Variants in ACACA observed in about 807,000 individuals in gnomAD.
ACACA encodes acetyl-CoA carboxylase alpha, also known as acetyl-CoA carboxylase 1.
ACACA carries 103 observed loss-of-function variants against 296.1 expected under a neutral mutation model. The ratio of observed to expected loss-of-function variants is 0.35; its 90% confidence interval spans 0.30 to 0.41. ACACA has a LOEUF of 0.41. Among genes scored for constraint, ACACA ranks in the 10% least tolerant of loss-of-function variants. The pLI is 1.00. For missense variants in ACACA, 1,554 were observed against 2,989.7 expected (o/e 0.52, Z 11.20); for synonymous variants, 953 against 1,038.6 (o/e 0.92, Z 1.58).
Position 37,206,847 on chromosome 17 carries a change from T to C in ACACA, c.3884A>G (p.Asp1295Gly). ...GAATGTGGGACTCTGGGGTGGGGAG[T>C]CAGAGAAGCAGCCCATCACTTCATC... is the stretch of plus-strand genomic sequence containing the variant. ...IFDEVMGCFS[D>G]SPPQSPTFPE... The change falls in exon 32 of 56, where the codon GAC (aspartate) becomes GGC (glycine). Residue 1295 changes from aspartate to glycine, a missense_variant. Physicochemically the swap from Asp to Gly is moderately conservative, Grantham distance 94. Transcript: ENST00000616317. 1 of 1,613,354 alleles carries C rather than the reference T, an allele frequency of 6.2e-7. No individual in the cohort carries two copies. Among genetic ancestry groups the C allele is most frequent in the African/African-American group, 1.3e-5 (1 of 74,826 alleles).
intron 41 of ACACA, among the ~76,000 whole-genome samples, chr17:37,172,636 T>G (rs1240307510): frequency 2.0e-5 from 3 of 152,182 alleles, no homozygotes; most frequent in Non-Finnish European, 4.4e-5. Context: ...TTCTCTATAC[T>G]TAATCTCAAG....
At chr17:37,357,506 A>AAAC (rs948390318) in intron 1 of ACACA, among the ~76,000 whole-genome samples, 1 of 152,130 alleles carries the variant, frequency 6.6e-6, no homozygotes, top group African/African-American at 2.4e-5. Flanking sequence ...CAAACAAACA[A>AAAC]AACAACAACA....
At position 37,263,912 on chromosome 17, in the gene ACACA, G is replaced by GAA. The variant is rs111738937; in HGVS notation, c.1120-20_1120-19dup. ...GCTTGAACCTGTATTAGAAAAGGGG[G>GAA]AAAAAAAAAACCAATTCTTAAATTT... On this transcript the variant is annotated intron_variant, in intron 10 of 55. Transcript: ENST00000616317. 26 of 1,444,534 alleles carry GAA rather than the reference G, an allele frequency of 1.8e-5. No individual in the cohort carries two copies. The highest frequency in any genetic ancestry group is 1.3e-4 in the African/African-American group (9 of 69,520). 89.5% of individuals were successfully genotyped at this position (1,444,534 alleles called of 1,614,324 possible). A position where few individuals can be genotyped will look rare whatever the true frequency, so the allele number is the denominator to read the frequency against.
intron 36 of ACACA, 144 bp downstream of exon 36, chr17:37,193,230 A>G: frequency 1.5e-6 from 1 of 666,120 alleles, no homozygotes; most frequent in Admixed American, 2.7e-5. Flanking sequence ...CTTTAGTTCT[A>G]AGACACATGT....
Position 37,276,921 on chromosome 17 carries a change from A to G in ACACA, c.802+112T>C, listed in dbSNP as rs75096999. On this transcript the variant is annotated intron_variant, in intron 7 of 55. Transcript: ENST00000616317. Reference sequence around the variant, plus strand: ...TTAGTAATAGATTGAGGGAAAAAAAAAGAGAGAGAGAGCCCAGCACATGTT... The same window carrying G: ...TTAGTAATAGATTGAGGGAAAAAAAGAGAGAGAGAGAGCCCAGCACATGTT... 431 of 925,356 alleles carry G rather than the reference A, an allele frequency of 4.7e-4. 3 individuals carry two copies. In the African/African-American group the frequency reaches 5.9e-3, roughly 13 times the overall value. The allele number at this position is 925,356 out of a possible 1,614,324, so 57.3% of individuals were successfully genotyped here.
chr17:37,258,166 T>C (rs745354632), intron 13 of ACACA, 46 bp downstream of exon 13: 1 of 1,592,846 alleles, frequency 6.3e-7, no homozygotes, highest in African/African-American at 1.3e-5. Flanking sequence ...ATCTTAACAT[T>C]AAAGTTCATT....
In ACACA at chr17:37,129,459, C is replaced by G. The variant is rs749607819; in HGVS notation, c.5850G>C (p.Leu1950=). The G allele has an allele frequency of 3.7e-6, 6 of 1,614,044 alleles. No homozygotes were observed. In the South Asian group the frequency reaches 5.5e-5, roughly 15 times the overall value. Residue 1950 remains leucine, a synonymous_variant, in exon 47 of 56, where the codon CTG becomes CTC. Coordinates refer to ENST00000616317, the MANE Select transcript of ACACA (RefSeq NM_198834.3). The part of the protein sequence containing the change: ...PKSVHSSVPL[L]NSKDPIDRII... Reference sequence around the variant, plus strand: ...TTCTGTCTATAGGATCCTTTGAGTTCAGAAGAGGAACTGAACTGTGCACGC... The same window carrying G: ...TTCTGTCTATAGGATCCTTTGAGTTGAGAAGAGGAACTGAACTGTGCACGC...
chr17:37,097,352 G>A lies in ACACA; in HGVS notation c.6721-186C>T, dbSNP rs1320785075. 6.6e-6 allele frequency among the ~76,000 whole-genome samples: 1 copy of A among 152,180 alleles called. No homozygotes were observed. Among genetic ancestry groups the A allele is most frequent in the Non-Finnish European group, 1.5e-5 (1 of 68,040 alleles). Reference sequence around the variant, plus strand: ...AGAAATGCAGCCCACATGCCCTGCTGTCTGCAGCACTGTGCACAGCCATGG... The same window carrying A: ...AGAAATGCAGCCCACATGCCCTGCTATCTGCAGCACTGTGCACAGCCATGG... On this transcript the variant is annotated intron_variant, in intron 53 of 55. Coordinates refer to ENST00000616317, the MANE Select transcript of ACACA (RefSeq NM_198834.3). The surrounding 1 kb of genome is among the most constrained non-coding windows in gnomAD (Gnocchi z 4.8).
chr17:37,364,606 G>GAAAAAGAA (rs1385341598), intron 1 of ACACA, among the ~76,000 whole-genome samples: 5 of 111,638 alleles, frequency 4.5e-5, no homozygotes, highest in African/African-American at 2.2e-4. Context: ...AAAAAAAAAA[G>GAAAAAGAA]AAAAAGAAAA....
At chr17:37,125,935 AT>A in intron 47 of ACACA, 141 bp from the exon 48 acceptor site, 1 of 726,090 alleles carries the variant, frequency 1.4e-6, no homozygotes, top group Non-Finnish European at 2.5e-6. Flanking sequence ...AGATGGAAGC[AT>A]TAGGCAGCTG....
chr17:37,366,067 C>T (rs1479282577), intron 1 of ACACA, among the ~76,000 whole-genome samples: 3 of 152,164 alleles, frequency 2.0e-5, no homozygotes, highest in African/African-American at 7.2e-5. Context: ...TTGGATTTTG[C>T]CCAGTCGTAG....
intron 1 of ACACA, among the ~76,000 whole-genome samples, chr17:37,362,435 TA>T (rs2147616311): frequency 6.6e-6 from 1 of 152,284 alleles, no homozygotes; most frequent in Admixed American, 6.5e-5. Flanking sequence ...ATAGTCTATT[TA>T]AGAAGACAAA....
At chr17:37,368,221 G>A (rs1250832589) in intron 1 of ACACA, among the ~76,000 whole-genome samples, 2 of 152,066 alleles carry the variant, frequency 1.3e-5, no homozygotes, top group Admixed American at 6.6e-5. Context: ...GCAGTGAGCC[G>A]TGTTTGCACC....
intron 11 of ACACA, among the ~76,000 whole-genome samples, chr17:37,259,875 A>T (rs1315579827): frequency 1.3e-5 from 2 of 150,484 alleles, no homozygotes; most frequent in Non-Finnish European, 3.0e-5. Flanking sequence ...CTAGTTAGAG[A>T]CTAGATTTTT....
intron 47 of ACACA, among the ~76,000 whole-genome samples, chr17:37,126,887 A>G (rs1284389744): frequency 6.6e-6 from 1 of 152,192 alleles, no homozygotes; most frequent in Non-Finnish European, 1.5e-5. Context: ...GAAGAATATC[A>G]CAGCACTATC....
At chr17:37,118,070 C>T (rs1478201544) in intron 50 of ACACA, among the ~76,000 whole-genome samples, 1 of 152,204 alleles carries the variant, frequency 6.6e-6, no homozygotes, top group Non-Finnish European at 1.5e-5. Context: ...GATAATACAA[C>T]ACCCTGACCT....
intron 39 of ACACA, among the ~76,000 whole-genome samples, chr17:37,186,368 T>G (rs1308377274): frequency 6.6e-6 from 1 of 152,190 alleles, no homozygotes. Context: ...GTGATGTAAA[T>G]TTCTTGAGTA....
At chr17:37,135,782 T>C (rs1294642149) in intron 45 of ACACA, among the ~76,000 whole-genome samples, 1 of 152,086 alleles carries the variant, frequency 6.6e-6, no homozygotes, top group African/African-American at 2.4e-5. Flanking sequence ...GTTTGCTAAA[T>C]GTATGAGAAG....
At chr17:37,103,691 C>T (rs1225291384) in intron 52 of ACACA, among the ~76,000 whole-genome samples, 2 of 150,956 alleles carry the variant, frequency 1.3e-5, no homozygotes, top group Non-Finnish European at 2.9e-5. Flanking sequence ...GCCTGGACAA[C>T]AAAGCAAGAC....
Sources: allele counts gnomAD v4.1 joint callset (sites outside exome capture counted in the v4.1 genomes callset), GRCh38; gene constraint gnomAD v4.1.1; non-coding constraint Gnocchi (gnomAD v3.1); transcripts MANE v1.5; gene names NCBI Gene and HGNC (gene_info 2026-07-23, HGNC 2026-07-21).